Variants in MSRA observed in about 807,000 individuals in gnomAD.
MSRA encodes mitochondrial peptide methionine sulfoxide reductase.
A neutral mutation model predicts 31.3 loss-of-function variants in MSRA; 54 were observed. The ratio of observed to expected loss-of-function variants is 1.73; its 90% confidence interval spans 1.39 to 2.17. MSRA has a LOEUF of 2.17. Ranked by LOEUF, MSRA falls within the 30% of genes most tolerant of loss-of-function variation. The pLI is 0.00. For missense variants in MSRA, 507 were observed against 300.9 expected (o/e 1.69, Z -5.07); for synonymous variants, 169 against 116.5 (o/e 1.45, Z -2.90).
chr8:10,339,604 C>T (rs182427502), intron 5 of MSRA, among the ~76,000 whole-genome samples: 51 of 129,188 alleles, frequency 3.9e-4, no homozygotes, highest in Non-Finnish European at 6.4e-4. Context: ...TGCAGTGATG[C>T]GATCTTGGCT....
intron 5 of MSRA, among the ~76,000 whole-genome samples, chr8:10,424,131 A>G (rs1204437772): frequency 1.3e-5 from 2 of 152,218 alleles, no homozygotes. Context: ...AGGTGGGGAC[A>G]TTTGGTCTGG....
At chr8:10,271,830 T>TGCCTCAGCCTCTCA (rs2129100856) in intron 3 of MSRA, among the ~76,000 whole-genome samples, 1 of 152,060 alleles carries the variant, frequency 6.6e-6, no homozygotes, top group South Asian at 2.1e-4. Flanking sequence ...GTGACTCTCT[T>TGCCTCAGCCTCTCA]GCCTCAGCCT....
intron 5 of MSRA, among the ~76,000 whole-genome samples, chr8:10,346,928 C>T (rs1436520059): frequency 6.6e-6 from 1 of 152,138 alleles, no homozygotes; most frequent in African/African-American, 2.4e-5. Flanking sequence ...TTTATATAGT[C>T]AGACTAGTGT....
intron 3 of MSRA, among the ~76,000 whole-genome samples, chr8:10,287,715 C>T (rs944082828): frequency 6.6e-6 from 1 of 152,158 alleles, no homozygotes; most frequent in African/African-American, 2.4e-5. Context: ...TAGCTGAATG[C>T]TCTCCATTTT....
chr8:10,314,122 C>T (rs759078693), intron 4 of MSRA, among the ~76,000 whole-genome samples: 1 of 151,734 alleles, frequency 6.6e-6, no homozygotes. Flanking sequence ...AAGCACTAAC[C>T]GTAAAGGAAA....
intron 1 of MSRA, among the ~76,000 whole-genome samples, chr8:10,065,403 T>C (rs925885377): frequency 3.3e-5 from 5 of 152,234 alleles, no homozygotes; most frequent in Non-Finnish European, 7.3e-5. Context: ...TTCAGGCTTA[T>C]GCTCATACTA....
chr8:10,092,112 T>C (rs1297627452), intron 1 of MSRA, among the ~76,000 whole-genome samples: 3 of 152,162 alleles, frequency 2.0e-5, no homozygotes, highest in Non-Finnish European at 4.4e-5. Flanking sequence ...TTTGCTGATA[T>C]TCTGTGTTTG....
intron 3 of MSRA, among the ~76,000 whole-genome samples, chr8:10,249,709 C>A (rs1021099846): frequency 2.0e-5 from 3 of 152,124 alleles, no homozygotes; most frequent in Non-Finnish European, 4.4e-5. Context: ...CTCTGTTGGG[C>A]CATGTTCTGA....
At chr8:10,249,294 A>G (rs1797793723) in intron 3 of MSRA, among the ~76,000 whole-genome samples, 1 of 152,180 alleles carries the variant, frequency 6.6e-6, no homozygotes, top group Non-Finnish European at 1.5e-5. Context: ...TGAGATATAT[A>G]TCTCAGTCTA....
At chr8:10,311,455 A>G (rs1302340221) in intron 4 of MSRA, among the ~76,000 whole-genome samples, 1 of 148,406 alleles carries the variant, frequency 6.7e-6, no homozygotes, top group Non-Finnish European at 1.5e-5. Flanking sequence ...TGGACATAAG[A>G]TGCTGTACCC....
intron 4 of MSRA, among the ~76,000 whole-genome samples, chr8:10,311,661 C>G (rs1427324300): frequency 6.6e-6 from 1 of 151,948 alleles, no homozygotes; most frequent in Non-Finnish European, 1.5e-5. Flanking sequence ...GTCTGTAATA[C>G]CAGCGTTTTG....
At chr8:10,406,083 G>A (rs1807798393) in intron 5 of MSRA, among the ~76,000 whole-genome samples, 1 of 152,258 alleles carries the variant, frequency 6.6e-6, no homozygotes, top group South Asian at 2.1e-4. Flanking sequence ...GAACTAAAGA[G>A]TTTATTTCCT....
chr8:10,151,261 CAA>C (rs34388218), intron 1 of MSRA, among the ~76,000 whole-genome samples: 2,803 of 109,112 alleles, frequency 0.026, 113 homozygotes, highest in African/African-American at 0.09. Flanking sequence ...GAGTCTGTCT[CAA>C]AAAAAAAAAA....
At position 10,111,145 on chromosome 8, in the gene MSRA, A is replaced by G. The variant is rs189022247; in HGVS notation, c.142+56487A>G. ...TCCGTGTTATCCAGGGACGGGGTGGATCAACTTTGATCATTTGGACCTGGC... is the reference window on the plus strand; with the variant it reads ...TCCGTGTTATCCAGGGACGGGGTGGGTCAACTTTGATCATTTGGACCTGGC... On this transcript the variant is annotated intron_variant, in intron 1 of 5. Transcript: ENST00000317173. Among the ~76,000 whole-genome samples the G allele has an allele frequency of 6.2e-4, 94 of 152,298 alleles. 1 individual carries two copies. In the East Asian group the frequency reaches 0.012, roughly 19 times the overall value.
At position 10,342,289 on chromosome 8, in the gene MSRA, G is replaced by A. The variant is rs964250505; in HGVS notation, c.543+22300G>A. On this transcript the variant is annotated intron_variant, in intron 5 of 5. Transcript: ENST00000317173. ...TGAGGACCCCAATGAGCTTTTGTTT[G>A]ATATTTACCAGATTAAAAATTAAAA... is the stretch of plus-strand genomic sequence containing the variant. Among the ~76,000 whole-genome samples, 7 of 152,016 alleles carry A rather than the reference G, an allele frequency of 4.6e-5. No individual in the cohort carries two copies. The South Asian group carries it at 6.2e-4, about 14-fold the overall frequency.
At chr8:10,085,263 A>G (rs1490661984) in intron 1 of MSRA, among the ~76,000 whole-genome samples, 1 of 152,142 alleles carries the variant, frequency 6.6e-6, no homozygotes, top group Admixed American at 6.5e-5. Flanking sequence ...TACCCACCCT[A>G]TTCCACGTTT....
intron 1 of MSRA, among the ~76,000 whole-genome samples, chr8:10,102,294 C>G (rs1189697934): frequency 6.6e-6 from 1 of 152,172 alleles, no homozygotes; most frequent in African/African-American, 2.4e-5. Context: ...TGTTATAGTT[C>G]TACCAGTGCT....
At chr8:10,167,626 G>A (rs1031328860) in intron 1 of MSRA, among the ~76,000 whole-genome samples, 2 of 152,166 alleles carry the variant, frequency 1.3e-5, no homozygotes, top group African/African-American at 4.8e-5. Context: ...GGACTGCAGA[G>A]GAGGCAGGGG....
chr8:10,332,736 C>T (rs1802778364), intron 5 of MSRA, among the ~76,000 whole-genome samples: 1 of 152,150 alleles, frequency 6.6e-6, no homozygotes, highest in Non-Finnish European at 1.5e-5. Flanking sequence ...GTACAGATTG[C>T]CCTTTCTTGC....
Sources: allele counts gnomAD v4.1 joint callset (sites outside exome capture counted in the v4.1 genomes callset), GRCh38; gene constraint gnomAD v4.1.1; transcripts MANE v1.5; gene names NCBI Gene and HGNC (gene_info 2026-07-23, HGNC 2026-07-21).